Variants in LIMS2 observed in about 807,000 individuals in gnomAD.
The protein encoded by LIMS2 is LIM zinc finger domain containing 2.
In LIMS2, 30 loss-of-function variants were observed where a neutral mutation model predicts 45.3. The observed-to-expected ratio is 0.66, with a 90% CI of 0.50 to 0.90. The LOEUF is 0.90. Among genes scored for constraint, LIMS2 ranks in the 40% least tolerant of loss-of-function variants. LIMS2 has a pLI of 0.00. For synonymous variants in LIMS2, 173 were observed against 188.0 expected (o/e 0.92, Z 0.65); for missense variants, 485 against 468.7 (o/e 1.03, Z -0.32).
chr2:127,639,758 C>T (rs1573746474), intron 9 of LIMS2, among the ~76,000 whole-genome samples: 1 of 152,350 alleles, frequency 6.6e-6, no homozygotes, highest in African/African-American at 2.4e-5. Flanking sequence ...GCAGCTGACA[C>T]TGCTGCTTTT....
Position 127,664,455 on chromosome 2 carries a change from C to T in LIMS2, c.12-6893G>A, listed in dbSNP as rs1684887024. 8.4e-7 allele frequency: 1 copy of T among 1,186,440 alleles called. No homozygotes were observed. Among genetic ancestry groups the T allele is most frequent in the Non-Finnish European group, 1.0e-6 (1 of 958,880 alleles). The allele number at this position is 1,186,440 out of a possible 1,614,324, so 73.5% of individuals were successfully genotyped here. ...TGGTGCAGGGGCTATGGGACCACCTCGGAGGGGAGGCGCGGCCGCCTGGGG... is the reference window on the plus strand; with the variant it reads ...TGGTGCAGGGGCTATGGGACCACCTTGGAGGGGAGGCGCGGCCGCCTGGGG... On this transcript the variant is annotated intron_variant, in intron 1 of 9. Coordinates refer to ENST00000355119, the MANE Select transcript of LIMS2 (RefSeq NM_001161403.3). The surrounding 1 kb of genome is among the most constrained non-coding windows in gnomAD (Gnocchi z 5.5).
chr2:127,679,492 C>T (rs181375852), upstream of LIMS2, among the ~76,000 whole-genome samples: 91 of 152,192 alleles, frequency 6.0e-4, no homozygotes, highest in African/African-American at 2.1e-3. This position sits in a 1 kb window ranked among gnomAD's most constrained non-coding sequence, Gnocchi z 5.3. Context: ...AGTGACATGA[C>T]AGCTGTCCTA....
rs1683116638 is a variant in LIMS2, at chr2:127,647,467, C to G, written c.360-4395G>C. Among the ~76,000 whole-genome samples, 2 of 152,204 alleles carry G rather than the reference C, an allele frequency of 1.3e-5. No individual in the cohort carries two copies. The highest frequency in any genetic ancestry group is 2.9e-5 in the Non-Finnish European group (2 of 68,026). ...GGGCTAAAACTGGTTTGAGCCAGCA[C>G]AGGCAGGCCCCCACCATGCCAGGCA... On this transcript the variant is annotated intron_variant, in intron 4 of 9. Coordinates refer to ENST00000355119, the MANE Select transcript of LIMS2 (RefSeq NM_001161403.3). This position sits in a 1 kb window ranked among gnomAD's most constrained non-coding sequence, Gnocchi z 4.3.
chr2:127,665,520 T>C (rs1684953619), intron 1 of LIMS2, among the ~76,000 whole-genome samples: 1 of 152,126 alleles, frequency 6.6e-6, no homozygotes, highest in Non-Finnish European at 1.5e-5. Context: ...GTAAATGTAG[T>C]CCAATTCCAA....
intron 4 of LIMS2, chr2:127,652,108 G>A (rs1032178196): frequency 4.6e-5 from 14 of 301,654 alleles, no homozygotes; most frequent in South Asian, 2.5e-4. Context: ...GCTCATCGGC[G>A]AGGCTCAGCA....
rs151091711 is a variant in LIMS2 at position 127,650,780 on chromosome 2, C to A, written c.359+3644G>T. On this transcript the variant is annotated intron_variant, in intron 4 of 9. Coordinates refer to ENST00000355119, the MANE Select transcript of LIMS2 (RefSeq NM_001161403.3). Reference sequence around the variant, plus strand: ...CTCCCCCAGGTCTGATCACCAACTTCTCCCTGGCCACGGCAGAGCAATGTG... The same window carrying A: ...CTCCCCCAGGTCTGATCACCAACTTATCCCTGGCCACGGCAGAGCAATGTG... 6,890 of 1,613,876 alleles carry A rather than the reference C, an allele frequency of 4.3e-3. 18 individuals are homozygous for A. The highest frequency in any genetic ancestry group is 5.4e-3 in the Non-Finnish European group (6,335 of 1,179,824).
rs1684889752 is a variant in LIMS2 at position 127,664,488 on chromosome 2, C to T, written c.12-6926G>A. The T allele has an allele frequency of 8.5e-7, 1 of 1,169,636 alleles. No homozygotes were observed. The highest frequency in any genetic ancestry group is 1.1e-6 in the Non-Finnish European group (1 of 948,266). The allele number at this position is 1,169,636 out of a possible 1,614,324, so 72.5% of individuals were successfully genotyped here. On this transcript the variant is annotated intron_variant, in intron 1 of 9. Transcript: ENST00000355119. The surrounding 1 kb of genome is among the most constrained non-coding windows in gnomAD (Gnocchi z 5.5). Reference sequence around the variant, plus strand: ...AGGCGCGGCCGCCTGGGGCCAGACACCAAGACGGGACGGGCGTGTGGGCGC... The same window carrying T: ...AGGCGCGGCCGCCTGGGGCCAGACATCAAGACGGGACGGGCGTGTGGGCGC...
intron 2 of LIMS2, among the ~76,000 whole-genome samples, chr2:127,656,415 CTT>C (rs61254122): frequency 1.9e-4 from 25 of 134,520 alleles, no homozygotes; most frequent in Admixed American, 3.8e-4. Flanking sequence ...TTTTTTCTTT[CTT>C]TTTTTTTTTT....
At chr2:127,644,848 A>G (rs1682794357) in intron 4 of LIMS2, among the ~76,000 whole-genome samples, 1 of 152,176 alleles carries the variant, frequency 6.6e-6, no homozygotes, top group African/African-American at 2.4e-5. Context: ...TGCGGGCACA[A>G]CAGGAAAGAG....
At chr2:127,660,980 C>T (rs1684607686) in intron 1 of LIMS2, among the ~76,000 whole-genome samples, 1 of 152,208 alleles carries the variant, frequency 6.6e-6, no homozygotes, top group Non-Finnish European at 1.5e-5. Flanking sequence ...CAGGGGCTGC[C>T]CCAGCCCAAG....
intron 4 of LIMS2, chr2:127,650,705 G>T (rs1159283233): frequency 4.4e-6 from 7 of 1,586,050 alleles, no homozygotes; most frequent in Middle Eastern, 1.7e-4. Context: ...CTGTTTGCTT[G>T]TTCCCTCCAG....
chr2:127,658,262 G>C (rs888672726), intron 1 of LIMS2, among the ~76,000 whole-genome samples: 1 of 152,140 alleles, frequency 6.6e-6, no homozygotes, highest in Non-Finnish European at 1.5e-5. Context: ...AGCCAGGTGT[G>C]GTGGTGCAAG....
chr2:127,654,876 G>A lies in LIMS2; in HGVS notation c.192C>T (p.Cys64=), dbSNP rs142079668. Residue 64 remains cysteine (C), a synonymous_variant, in exon 3 of 10, where the codon TGC becomes TGT. Transcript: ENST00000355119. ...LFYEFEGRKY[C]EHDFQMLFAP... is the part of the protein sequence containing the mutation. Reference sequence around the variant, plus strand: ...CAAACAGCATTTGGAAGTCGTGTTCGCAGTACTTCCGGCCTTCAAACTGCA... The same window carrying A: ...CAAACAGCATTTGGAAGTCGTGTTCACAGTACTTCCGGCCTTCAAACTGCA... 41 of 1,614,030 alleles carry A rather than the reference G, an allele frequency of 2.5e-5. No homozygotes were observed. Among genetic ancestry groups the A allele is most frequent in the African/African-American group, 1.2e-4 (9 of 74,946 alleles).
chr2:127,658,683 G>A (rs558584707), intron 1 of LIMS2, among the ~76,000 whole-genome samples: 3 of 152,288 alleles, frequency 2.0e-5, no homozygotes, highest in East Asian at 1.9e-4. Flanking sequence ...TCAAAGAACC[G>A]GATACCCCAC....
intron 1 of LIMS2, among the ~76,000 whole-genome samples, chr2:127,661,024 G>T (rs577216379): frequency 7.9e-5 from 12 of 152,302 alleles, no homozygotes; most frequent in Middle Eastern, 6.8e-3. Flanking sequence ...CTCTGTGAGG[G>T]AACATTCTGC....
intron 1 of LIMS2, among the ~76,000 whole-genome samples, chr2:127,661,579 C>A (rs527915573): frequency 6.6e-6 from 1 of 152,328 alleles, no homozygotes; most frequent in East Asian, 1.9e-4. Context: ...CCACTACCCA[C>A]CCCCAGCTGG....
intron 6 of LIMS2, 77 bp from the exon 7 acceptor site, chr2:127,641,065 AAC>A: frequency 8.4e-7 from 1 of 1,187,680 alleles, no homozygotes; most frequent in Non-Finnish European, 1.2e-6. Context: ...ACCCGGGGAC[AAC>A]AGTGACCCCA....
chr2:127,671,309 T>C lies in LIMS2; in HGVS notation c.11+3705A>G, dbSNP rs1685260388. 6.6e-6 allele frequency among the ~76,000 whole-genome samples: 1 copy of C among 152,114 alleles called. No homozygotes were observed. On this transcript the variant is annotated intron_variant, in intron 1 of 9. Transcript: ENST00000355119. The surrounding 1 kb of genome is among the most constrained non-coding windows in gnomAD (Gnocchi z 4.1). ...TTAGCCGGTTGTGGTGGTATGCACC[T>C]GTAGTCCCAGCTACTTGGGAGGCTG...
At chr2:127,677,240 C>T (rs538678637), upstream of LIMS2, among the ~76,000 whole-genome samples, 13 of 152,282 alleles carry the variant, frequency 8.5e-5, no homozygotes, top group South Asian at 4.1e-4. This position sits in a 1 kb window ranked among gnomAD's most constrained non-coding sequence, Gnocchi z 5.0. Flanking sequence ...GTATTTATAC[C>T]GCATGGGCAC....
Sources: gnomAD v4.1 joint callset for allele counts (sites outside exome capture counted in the v4.1 genomes callset) on GRCh38, gnomAD v4.1.1 for gene constraint, Gnocchi (gnomAD v3.1) non-coding constraint, MANE v1.5 for transcripts, NCBI Gene and HGNC (gene_info 2026-07-23, HGNC 2026-07-21) for gene names.